The following SIDT2 variants were observed in gnomAD, a reference collection of about 807,000 sequenced individuals.
SIDT2 encodes the protein SID1 transmembrane family member 2, also known as SID1 transmembrane family, member 2.
SIDT2 carries 68 observed loss-of-function variants against 114.4 expected under a neutral mutation model. The observed-to-expected ratio is 0.59, with a 90% CI of 0.49 to 0.73. The LOEUF (loss-of-function observed/expected upper bound fraction) is 0.73. Among genes scored for constraint, SIDT2 ranks in the 30% least tolerant of loss-of-function variants. The pLI, the probability that SIDT2 is intolerant of heterozygous loss-of-function variation, is 0.00. For missense variants in SIDT2, 918 were observed against 1,097.1 expected (o/e 0.84, Z 2.31); for synonymous variants, 470 against 438.4 (o/e 1.07, Z -0.90).
Position 117,181,453 on chromosome 11 carries a change from A to G in SIDT2, c.221A>G (p.Lys74Arg). 1 of 1,613,658 alleles carries G rather than the reference A, an allele frequency of 6.2e-7. No individual in the cohort carries two copies. Among genetic ancestry groups the G allele is most frequent in the Non-Finnish European group, 8.5e-7 (1 of 1,179,918 alleles). The change falls in exon 2 of 26, where the codon AAG becomes AGG. Residue 74 changes from lysine (K) to arginine (R), a missense_variant. Physicochemically the swap from Lys to Arg is conservative, Grantham distance 26. This residue lies in a region of SIDT2 where 553 missense variants were observed against 600.1 expected (regional missense o/e 0.92). Coordinates refer to ENST00000324225, the MANE Select transcript of SIDT2 (RefSeq NM_001040455.2). ...GVRVSVNVLNKQKGAPLLFVV... is the reference protein window; with the variant it reads ...GVRVSVNVLNRQKGAPLLFVV... ...CGTGTGTCTGTGAACGTCCTGAACA[A>G]GCAGAAGGGGGCGCCGTTGCTGTTT...
chr11:117,186,681 G>A (rs776288968), intron 10 of SIDT2, 45 bp downstream of exon 10: 1 of 1,516,164 alleles, frequency 6.6e-7, no homozygotes, highest in Non-Finnish European at 8.8e-7. Flanking sequence ...TGTGCTTTGT[G>A]TTTTGGGGGG....
Position 117,192,885 on chromosome 11 carries a change from A to C in SIDT2, c.2105+19A>C. 1 of 1,614,070 alleles carries C rather than the reference A, an allele frequency of 6.2e-7. No individual in the cohort carries two copies. Among genetic ancestry groups the C allele is most frequent in the Non-Finnish European group, 8.5e-7 (1 of 1,180,004 alleles). On this transcript the variant is annotated intron_variant, in intron 22 of 25. Transcript: ENST00000324225. The surrounding 1 kb of genome is among the most constrained non-coding windows in gnomAD (Gnocchi z 5.9). ...GGTCGCTGTGAGTATGGTCAGCAGT[A>C]GTGGCCTGGTTGGGTGGACAGCTGG...
chr11:117,190,723 A>G lies in SIDT2; in HGVS notation c.1718A>G (p.Tyr573Cys). 1 of 1,613,942 alleles carries G rather than the reference A, an allele frequency of 6.2e-7. No individual in the cohort carries two copies. Residue 573 changes from tyrosine (Y) to cysteine (C), a missense_variant, in exon 18 of 26, where the codon TAT becomes TGT. By Grantham distance (194) the Tyr-to-Cys change is radical. Coordinates refer to ENST00000324225, the MANE Select transcript of SIDT2 (RefSeq NM_001040455.2). The surrounding 1 kb of genome is among the most constrained non-coding windows in gnomAD (Gnocchi z 4.1). ...LSACYHVCPN[Y>C]TNFQFDTSFM... is the part of the protein sequence containing the mutation. ...GCTTGCTATCATGTGTGCCCCAACT[A>G]TACCAATTTCCAGTTTGGTGAGTGG... is the stretch of plus-strand genomic sequence containing the variant.
rs1591763801 is a variant in SIDT2 at position 117,178,984 on chromosome 11, C to G, written c.-280C>G. On this transcript the variant is annotated 5_prime_UTR_variant, in exon 1 of 26. Coordinates refer to ENST00000324225, the MANE Select transcript of SIDT2 (RefSeq NM_001040455.2). Reference sequence around the variant, plus strand: ...GCCCTGGCCCGGGGCTCCAGGGTCTCAGGTCGTACTCAGCCCCTCGCGAGC... The same window carrying G: ...GCCCTGGCCCGGGGCTCCAGGGTCTGAGGTCGTACTCAGCCCCTCGCGAGC... 1 of 461,296 alleles carries G rather than the reference C, an allele frequency of 2.2e-6. No homozygotes were observed. The highest frequency in any genetic ancestry group is 2.0e-5 in the African/African-American group (1 of 50,498). The allele number at this position is 461,296 out of a possible 1,614,324, so 28.6% of individuals were successfully genotyped here. A position where few individuals can be genotyped will look rare whatever the true frequency, so the allele number is the denominator to read the frequency against.
chr11:117,182,499 C>G lies in SIDT2; in HGVS notation c.517-20C>G, dbSNP rs199937357. 6.2e-7 allele frequency: 1 copy of G among 1,607,716 alleles called. No individual in the cohort carries two copies. Among genetic ancestry groups the G allele is most frequent in the Non-Finnish European group, 8.5e-7 (1 of 1,174,250 alleles). ...GCATCCTCATGAGATGGGGCTCTCC[C>G]TTCCTTCCTGCACCCTCAGTACTTC... On this transcript the variant is annotated intron_variant, in intron 4 of 25. Transcript: ENST00000324225.
intron 9 of SIDT2, 146 bp from the exon 10 acceptor site, chr11:117,186,438 C>T (rs1000166602): frequency 3.1e-6 from 3 of 961,222 alleles, no homozygotes; most frequent in African/African-American, 3.3e-5. Context: ...TGTTGCTCCC[C>T]AGCCTGTGAG....
chr11:117,187,758 T>C (rs1011438911), intron 12 of SIDT2, 59 bp downstream of exon 12: 27 of 1,553,034 alleles, frequency 1.7e-5, no homozygotes, highest in Non-Finnish European at 2.3e-5. Flanking sequence ...CTGGGTAAAA[T>C]GTCACGGTGG....
rs2030679081 is a variant in SIDT2 at position 117,190,986 on chromosome 11, AG to A, written c.1735+250del. The A allele has an allele frequency of 2.6e-6, 1 of 382,204 alleles. No individual in the cohort carries two copies. Among genetic ancestry groups the A allele is most frequent in the Non-Finnish European group, 4.8e-6 (1 of 209,428 alleles). 23.7% of individuals were successfully genotyped at this position (382,204 alleles called of 1,614,324 possible). ...AGTGAAGAAAACAGTATAATTAAGA[AG>A]GGGTCCCTGGCCGGGTGCAGTGGCT... On this transcript the variant is annotated intron_variant, in intron 18 of 25. Coordinates refer to ENST00000324225, the MANE Select transcript of SIDT2 (RefSeq NM_001040455.2). The surrounding 1 kb of genome is among the most constrained non-coding windows in gnomAD (Gnocchi z 4.1).
Position 117,182,782 on chromosome 11 carries a change from C to T in SIDT2, c.678C>T (p.Thr226=), listed in dbSNP as rs1168524303. ...VAFIGMYQTM[T]KKAAITVQRK... is the part of the protein sequence containing the mutation. ...TCATCGGCATGTACCAGACGATGAC[C>T]AAGAAGGCGGCCATCACCGTACAGG... is the stretch of plus-strand genomic sequence containing the variant. Residue 226 remains threonine, a synonymous_variant, in exon 6 of 26, where the codon ACC becomes ACT. Coordinates refer to ENST00000324225, the MANE Select transcript of SIDT2 (RefSeq NM_001040455.2). The T allele has an allele frequency of 6.2e-7, 1 of 1,614,084 alleles. No individual in the cohort carries two copies. The highest frequency in any genetic ancestry group is 8.5e-7 in the Non-Finnish European group (1 of 1,179,990).
At position 117,190,807 on chromosome 11, in the gene SIDT2, C is replaced by T; in HGVS notation, c.1735+67C>T. On this transcript the variant is annotated intron_variant, in intron 18 of 25. Coordinates refer to ENST00000324225, the MANE Select transcript of SIDT2 (RefSeq NM_001040455.2). This position sits in a 1 kb window ranked among gnomAD's most constrained non-coding sequence, Gnocchi z 4.1. Reference sequence around the variant, plus strand: ...GGACCTGCCTGAGTCCTTCACTATCCCCAAGTCACCCACAGGGATCGCTAA... The same window carrying T: ...GGACCTGCCTGAGTCCTTCACTATCTCCAAGTCACCCACAGGGATCGCTAA... 2.4e-6 allele frequency: 3 copies of T among 1,274,552 alleles called. No homozygotes were observed. The highest frequency in any genetic ancestry group is 2.3e-6 in the Non-Finnish European group (2 of 873,800). 79.0% of individuals were successfully genotyped at this position (1,274,552 alleles called of 1,614,324 possible). A position where few individuals can be genotyped will look rare whatever the true frequency, so the allele number is the denominator to read the frequency against.
chr11:117,183,548 G>T (rs2134249812), intron 6 of SIDT2, among the ~76,000 whole-genome samples: 1 of 151,686 alleles, frequency 6.6e-6, no homozygotes, highest in East Asian at 1.9e-4. Flanking sequence ...TGAAGCAGGA[G>T]AATTGTTTGA....
chr11:117,194,245 C>G (rs1395093849), intron 24 of SIDT2: 7 of 305,428 alleles, frequency 2.3e-5, no homozygotes, highest in Non-Finnish European at 4.3e-5. Context: ...TGCAGGAGTT[C>G]CAGGCTGCAG....
intron 25 of SIDT2, 34 bp from the exon 26 acceptor site, chr11:117,195,970 C>T (rs775808106): frequency 1.2e-6 from 2 of 1,614,116 alleles, no homozygotes; most frequent in Non-Finnish European, 1.7e-6. Context: ...CAGCTGCCTC[C>T]TTCTCTGTGG....
rs1591766067 is a variant in SIDT2, at chr11:117,182,636, T to A, written c.618+16T>A. The stretch of plus-strand genomic sequence containing the variant: ...GGATGTGCTGGTGAGTTGCCTGCCC[T>A]TTTGCTCTTCCCCAGCAGGCAGCAG... On this transcript the variant is annotated intron_variant, in intron 5 of 25. Coordinates refer to ENST00000324225, the MANE Select transcript of SIDT2 (RefSeq NM_001040455.2). 3.7e-6 allele frequency: 6 copies of A among 1,614,046 alleles called. No individual in the cohort carries two copies. In the East Asian group the frequency reaches 1.3e-4, roughly 36 times the overall value.
chr11:117,191,621 C>T (rs1312332784), intron 18 of SIDT2: 1 of 493,308 alleles, frequency 2.0e-6, no homozygotes, highest in South Asian at 3.0e-5. Context: ...TCAGGGTGCT[C>T]ACAGACTAAG....
Position 117,182,106 on chromosome 11 carries a change from G to C in SIDT2, c.516+1G>C. The C allele has an allele frequency of 6.2e-7, 1 of 1,613,870 alleles. No individual in the cohort carries two copies. Among genetic ancestry groups the C allele is most frequent in the Non-Finnish European group, 8.5e-7 (1 of 1,180,012 alleles). On this transcript the variant is annotated splice_donor_variant, in intron 4 of 25. Coordinates refer to ENST00000324225, the MANE Select transcript of SIDT2 (RefSeq NM_001040455.2). LOFTEE classifies it high-confidence loss of function. ...CAATACCACAGCAGCACAGCCCCAG[G>C]TAACATCTCCCTGTTGATTGCTCGA...
chr11:117,189,427 T>G (rs1347104438), intron 15 of SIDT2, 26 bp downstream of exon 15: 2 of 1,611,150 alleles, frequency 1.2e-6, no homozygotes, highest in South Asian at 2.2e-5. Flanking sequence ...AGGTTCACCT[T>G]TCCGACAGCC....
At position 117,181,692 on chromosome 11, in the gene SIDT2, G is replaced by A. The variant is rs541176356; in HGVS notation, c.306-115G>A. ...CGAGTCCCACCAGCCGGGAGCTTGT[G>A]CACCTCGCAGGGAGGTGGTGGAGAC... On this transcript the variant is annotated intron_variant, in intron 2 of 25. Transcript: ENST00000324225. 1.1e-5 allele frequency: 17 copies of A among 1,569,698 alleles called. No individual in the cohort carries two copies. In the African/African-American group the frequency reaches 1.9e-4, roughly 17 times the overall value.
chr11:117,188,711 G>T lies in SIDT2; in HGVS notation c.1163G>T (p.Arg388Leu), dbSNP rs61729987. The change falls in exon 13 of 26, where the codon CGC becomes CTC. Residue 388 changes from arginine (R) to leucine (L), a missense_variant. By Grantham distance (102) the Arg-to-Leu change is moderately radical. Transcript: ENST00000324225. The surrounding 1 kb of genome is among the most constrained non-coding windows in gnomAD (Gnocchi z 4.0). ...CCTCCCTCCCTGCCCTTTCCAGGCC[G>T]CTCCTTTGAACCTGTAGGTACTCGG... The part of the protein sequence containing the change: ...TGDLSYGYQG[R>L]SFEPVGTRPR... 3.7e-6 allele frequency: 6 copies of T among 1,613,548 alleles called. No individual in the cohort carries two copies. The Admixed American group carries it at 1.0e-4, about 27-fold the overall frequency.
Sources: gnomAD v4.1 joint callset for allele counts (sites outside exome capture counted in the v4.1 genomes callset) on GRCh38, gnomAD v4.1.1 for gene constraint, gnomAD v4.1.1 regional missense constraint, Gnocchi (gnomAD v3.1) non-coding constraint, MANE v1.5 for transcripts, NCBI Gene and HGNC (gene_info 2026-07-23, HGNC 2026-07-21) for gene names.